The following UNC13C variants were observed in gnomAD, a reference collection of about 807,000 sequenced individuals.
UNC13C encodes unc-13 homolog C, also known as protein unc-13 homolog C.
UNC13C carries 174 observed loss-of-function variants against 245.4 expected under a neutral mutation model. The observed-to-expected ratio is 0.71, with a 90% CI of 0.63 to 0.80. The LOEUF (loss-of-function observed/expected upper bound fraction) is 0.80, where lower values mean the gene tolerates loss of function less well. Ranked by LOEUF, UNC13C falls within the 30% of genes least tolerant of loss-of-function variation. The pLI is 0.00. For missense variants in UNC13C, 2,829 were observed against 2,602.9 expected, an observed-to-expected ratio of 1.09 and a Z score of -1.89; for synonymous variants, 992 against 895.1, an observed-to-expected ratio of 1.11 and a Z score of -1.93.
At chr15:54,137,744 C>A (rs1007597447) in intron 2 of UNC13C, among the ~76,000 whole-genome samples, 3 of 151,864 alleles carry the variant, frequency 2.0e-5, no homozygotes, top group Non-Finnish European at 4.4e-5. Flanking sequence ...AAGAGTTTGA[C>A]AATTTTGTTT....
At chr15:54,018,311 C>T (rs1595721361) in intron 2 of UNC13C, among the ~76,000 whole-genome samples, 1 of 152,120 alleles carries the variant, frequency 6.6e-6, no homozygotes, top group Admixed American at 6.5e-5. Context: ...CCATAAGTAA[C>T]CTTAGCCAGA....
the UNC13C span, among the ~76,000 whole-genome samples, chr15:53,924,677 C>G: frequency 3.3e-5 from 5 of 152,148 alleles, no homozygotes; most frequent in African/African-American, 1.2e-4. Context: ...GCCATACAAA[C>G]TGGCTTTTAG....
intron 28 of UNC13C, among the ~76,000 whole-genome samples, chr15:54,550,317 T>G (rs1896681451): frequency 6.6e-6 from 1 of 152,130 alleles, no homozygotes; most frequent in Admixed American, 6.6e-5. Context: ...TTAACCTCCC[T>G]AATCTTCAGA....
chr15:54,344,054 C>G (rs951133833), intron 17 of UNC13C, among the ~76,000 whole-genome samples: 6 of 152,138 alleles, frequency 3.9e-5, no homozygotes, highest in Non-Finnish European at 7.4e-5. Context: ...TGAGAAGATT[C>G]TTGCTAAATT....
downstream of UNC13C, chr15:54,629,499 C>T (rs1901398397): frequency 2.0e-5 from 3 of 152,098 alleles, no homozygotes; most frequent in South Asian, 6.2e-4. Context: ...ATGGAAACCA[C>T]TGTATATTGT....
chr15:54,603,049 C>G (rs1359416320), intron 30 of UNC13C, among the ~76,000 whole-genome samples: 1 of 152,198 alleles, frequency 6.6e-6, no homozygotes, highest in African/African-American at 2.4e-5. Flanking sequence ...CCATGTGCCT[C>G]TTCCACATAG....
In UNC13C at chr15:54,456,330, C is replaced by T. The variant is rs537429127; in HGVS notation, c.4934-38278C>T. ...TTTTTGTTTAGTCTTGTTTTGGCTACGTAGGCTCCTTTTTGGTTCCATATG... is the reference window on the plus strand; with the variant it reads ...TTTTTGTTTAGTCTTGTTTTGGCTATGTAGGCTCCTTTTTGGTTCCATATG... On this transcript the variant is annotated intron_variant, in intron 19 of 32. Transcript: ENST00000260323. Among the ~76,000 whole-genome samples the T allele has an allele frequency of 7.7e-4, 117 of 152,042 alleles. 3 individuals carry two copies. The South Asian group carries it at 0.019, about 25-fold the overall frequency.
At chr15:54,383,380 A>C (rs2039768897) in intron 17 of UNC13C, among the ~76,000 whole-genome samples, 2 of 152,200 alleles carry the variant, frequency 1.3e-5, no homozygotes, top group African/African-American at 4.8e-5. Context: ...GCATAGTTCA[A>C]CATATTCAGG....
chr15:54,355,505 C>T (rs2039074705), intron 17 of UNC13C, among the ~76,000 whole-genome samples: 1 of 151,964 alleles, frequency 6.6e-6, no homozygotes, highest in Non-Finnish European at 1.5e-5. Context: ...TACAGGCACG[C>T]ACCACCAAAC....
intron 4 of UNC13C, among the ~76,000 whole-genome samples, chr15:54,153,264 A>C (rs1335218693): frequency 6.6e-6 from 1 of 152,100 alleles, no homozygotes; most frequent in Non-Finnish European, 1.5e-5. Context: ...AAAATAAAAT[A>C]ATTAAGCAAC....
chr15:53,917,999 G>A, the UNC13C span, among the ~76,000 whole-genome samples: 2 of 152,176 alleles, frequency 1.3e-5, no homozygotes, highest in Non-Finnish European at 2.9e-5. Context: ...TTTGGGCCGG[G>A]CACGGGGGGT....
chr15:54,139,925 G>A (rs2031932533), intron 2 of UNC13C, among the ~76,000 whole-genome samples: 1 of 152,068 alleles, frequency 6.6e-6, no homozygotes, highest in Non-Finnish European at 1.5e-5. Context: ...TATTGTCCAA[G>A]CACCATTTAC....
chr15:54,451,859 T>C (rs775482466), intron 19 of UNC13C, among the ~76,000 whole-genome samples: 3 of 152,214 alleles, frequency 2.0e-5, no homozygotes, highest in Non-Finnish European at 2.9e-5. Context: ...CTTATCTTGG[T>C]ATCTGTGCAC....
chr15:54,439,210 C>G (rs936546809), intron 19 of UNC13C, among the ~76,000 whole-genome samples: 1 of 151,934 alleles, frequency 6.6e-6, no homozygotes, highest in African/African-American at 2.4e-5. Flanking sequence ...CACTGGGATA[C>G]CAGGAATAAC....
chr15:54,243,117 C>G (rs1180516715), intron 7 of UNC13C, among the ~76,000 whole-genome samples: 1 of 152,000 alleles, frequency 6.6e-6, no homozygotes, highest in Non-Finnish European at 1.5e-5. Flanking sequence ...AGCTATTCTT[C>G]CTGATGCTCT....
At chr15:54,629,609 A>C (rs1901403999), downstream of UNC13C, 2 of 149,520 alleles carry the variant, frequency 1.3e-5, no homozygotes, top group African/African-American at 4.9e-5. Context: ...ATGGTTAAAA[A>C]TCTCACATGA....
intron 11 of UNC13C, among the ~76,000 whole-genome samples, chr15:54,295,649 T>TAAA (rs11434084): frequency 5.7e-5 from 8 of 141,338 alleles, no homozygotes; most frequent in Non-Finnish European, 1.1e-4. Context: ...TGAGACCTTG[T>TAAA]AAAAAAAAAA....
intron 17 of UNC13C, among the ~76,000 whole-genome samples, chr15:54,344,737 C>T (rs1025257843): frequency 2.0e-5 from 3 of 152,108 alleles, no homozygotes; most frequent in Admixed American, 6.5e-5. Flanking sequence ...TTATAGCATA[C>T]GTCTCACCTG....
chr15:54,280,615 T>G (rs889725845), intron 10 of UNC13C, among the ~76,000 whole-genome samples: 1 of 149,512 alleles, frequency 6.7e-6, no homozygotes. Flanking sequence ...TCTCTCCATA[T>G]ATATGTATAC....
Sources: allele counts gnomAD v4.1 joint callset (sites outside exome capture counted in the v4.1 genomes callset), GRCh38; gene constraint gnomAD v4.1.1; transcripts MANE v1.5; gene names NCBI Gene and HGNC (gene_info 2026-07-23, HGNC 2026-07-21).